Variants in PIK3R3 observed in about 807,000 individuals in gnomAD.
PIK3R3 encodes phosphatidylinositol 3-kinase regulatory subunit gamma.
In PIK3R3, 64 loss-of-function variants were observed where a neutral mutation model predicts 62.9. That is an observed-to-expected ratio of 1.02 (90% CI 0.83 to 1.25). The LOEUF (loss-of-function observed/expected upper bound fraction) is 1.25, where lower values mean the gene tolerates loss of function less well. Among genes scored for constraint, PIK3R3 ranks in the 50% most tolerant of loss-of-function variants. The pLI is 0.00. For missense variants in PIK3R3, 614 were observed against 561.6 expected (o/e 1.09, Z -0.94); for synonymous variants, 165 against 189.0 (o/e 0.87, Z 1.04).
At chr1:46,056,054 T>C (rs1647873668) in intron 6 of PIK3R3, 83 bp from the exon 7 acceptor site, 3 of 687,588 alleles carry the variant, frequency 4.4e-6, no homozygotes, top group Non-Finnish European at 6.5e-6. Flanking sequence ...CTAATATCCT[T>C]TTTTTTTTTC....
chr1:46,123,120 CTCAAGAAACTTATCTTGTTTG>C (rs1403548113), intron 1 of PIK3R3, among the ~76,000 whole-genome samples: 1 of 152,098 alleles, frequency 6.6e-6, no homozygotes. Context: ...ACAGCCTGAC[CTCAAGAAACTTATCTTGTTTG>C]GGAGGTGAAT....
intron 3 of PIK3R3, among the ~76,000 whole-genome samples, chr1:46,071,467 G>A (rs988299715): frequency 2.6e-5 from 4 of 151,194 alleles, no homozygotes; most frequent in East Asian, 1.9e-4. Flanking sequence ...AGGCCGAGGC[G>A]GGCAGATCAC....
At chr1:46,045,290 T>A (rs1647079801) in intron 9 of PIK3R3, among the ~76,000 whole-genome samples, 1 of 152,228 alleles carries the variant, frequency 6.6e-6, no homozygotes, top group Non-Finnish European at 1.5e-5. Context: ...AACTCTTTTC[T>A]AAGTGTGGCT....
the PIK3R3 span, among the ~76,000 whole-genome samples, chr1:46,148,276 A>C: frequency 6.6e-6 from 1 of 152,340 alleles, no homozygotes; most frequent in South Asian, 2.1e-4. Context: ...AACTAGCTTA[A>C]GACAAATAAA....
chr1:46,163,263 T>C, the PIK3R3 span, among the ~76,000 whole-genome samples: 2 of 152,274 alleles, frequency 1.3e-5, no homozygotes, highest in African/African-American at 4.8e-5. Context: ...TTTTAAAAAG[T>C]AAAATAAAAC....
intron 4 of PIK3R3, 38 bp from the exon 5 acceptor site, chr1:46,066,217 T>C (rs1419679768): frequency 4.3e-6 from 6 of 1,382,514 alleles, no homozygotes; most frequent in Non-Finnish European, 6.1e-6. Context: ...ATGTTAACAA[T>C]TCTGACATAT....
rs756299829 is a variant in PIK3R3 at position 46,061,952 on chromosome 1, C to G, written c.741G>C (p.Glu247Asp). The G allele has an allele frequency of 6.2e-7, 1 of 1,613,584 alleles. No individual in the cohort carries two copies. The highest frequency in any genetic ancestry group is 1.7e-5 in the Admixed American group (1 of 60,006). ...SKEYIERFRR[E>D]GNEKEIERIM... ...ACCGTTCAATCTCCTTTTCATTCCC[C>G]TCTCTGCGAAATCGCTCAATATATT... Residue 247 changes from glutamate to aspartate, a missense_variant, in exon 6 of 10, where the codon GAG (glutamate) becomes GAC (aspartate). Glu to Asp is a conservative substitution (Grantham distance 45, BLOSUM62 2). Transcript: ENST00000262741.
At chr1:46,172,641 G>A in the PIK3R3 span, among the ~76,000 whole-genome samples, 550 of 152,272 alleles carry the variant, frequency 3.6e-3, 3 homozygotes, top group East Asian at 0.027. Flanking sequence ...AGTGAGCTAA[G>A]GTCAGGTCAC....
intron 1 of PIK3R3, among the ~76,000 whole-genome samples, chr1:46,125,283 CA>C (rs1406933978): frequency 6.6e-6 from 1 of 151,708 alleles, no homozygotes; most frequent in Non-Finnish European, 1.5e-5. Context: ...AATAAGAAGA[CA>C]AAAAAACTGG....
chr1:46,168,408 A>G, the PIK3R3 span, among the ~76,000 whole-genome samples: 1 of 152,162 alleles, frequency 6.6e-6, no homozygotes, highest in Non-Finnish European at 1.5e-5. Flanking sequence ...TGGGGACAGC[A>G]GTGGTTCTGT....
intron 3 of PIK3R3, among the ~76,000 whole-genome samples, chr1:46,075,012 G>C (rs1557583595): frequency 1.3e-5 from 2 of 152,150 alleles, no homozygotes; most frequent in Non-Finnish European, 1.5e-5. Flanking sequence ...GCTGGGGCCA[G>C]GAAATCAAAA....
At position 46,044,502 on chromosome 1, in the gene PIK3R3, T is replaced by C. The variant is rs1647060485; in HGVS notation, c.1188-631A>G. On this transcript the variant is annotated intron_variant, in intron 9 of 9. Transcript: ENST00000262741. This position sits in a 1 kb window ranked among gnomAD's most constrained non-coding sequence, Gnocchi z 4.2. The stretch of plus-strand genomic sequence containing the variant: ...CTGCCTTCCTTCTTTTTATTATTCT[T>C]AGAAGATCCTAAGTCTTACAAGAAC... Among the ~76,000 whole-genome samples the C allele has an allele frequency of 6.6e-6, 1 of 152,180 alleles. No individual in the cohort carries two copies. The highest frequency in any genetic ancestry group is 1.5e-5 in the Non-Finnish European group (1 of 68,044).
the PIK3R3 span, among the ~76,000 whole-genome samples, chr1:46,162,457 T>C: frequency 1.3e-5 from 2 of 151,952 alleles, no homozygotes; most frequent in Non-Finnish European, 2.9e-5. Context: ...GGTGACAGAG[T>C]GAGACTCCAT....
At chr1:46,135,292 CACA>C (rs1655888870), upstream of PIK3R3, among the ~76,000 whole-genome samples, 2 of 152,190 alleles carry the variant, frequency 1.3e-5, no homozygotes, top group African/African-American at 4.8e-5. Context: ...GCTCCTGGGT[CACA>C]ACCTGCTACT....
In PIK3R3 at chr1:46,132,116, C is replaced by CT. The variant is rs1655664831; in HGVS notation, c.-165dup. 19 of 1,410,340 alleles carry CT rather than the reference C, an allele frequency of 1.3e-5. No homozygotes were observed. Among genetic ancestry groups the CT allele is most frequent in the Non-Finnish European group, 1.7e-5 (18 of 1,086,544 alleles). The allele number at this position is 1,410,340 out of a possible 1,614,324, so 87.4% of individuals were successfully genotyped here. A position where few individuals can be genotyped will look rare whatever the true frequency, so the allele number is the denominator to read the frequency against. ...CCGGCCAAACTACCCGAACAGGGTCCTCCCCCTCTCTCCTACAGAACACAA... is the reference window on the plus strand; with the variant it reads ...CCGGCCAAACTACCCGAACAGGGTCCTTCCCCCTCTCTCCTACAGAACACAA... On this transcript the variant is annotated 5_prime_UTR_variant, in exon 1 of 10. Coordinates refer to ENST00000262741, the MANE Select transcript of PIK3R3 (RefSeq NM_003629.4).
intron 1 of PIK3R3, among the ~76,000 whole-genome samples, chr1:46,127,513 G>A (rs1655203152): frequency 6.6e-6 from 1 of 152,070 alleles, no homozygotes; most frequent in South Asian, 2.1e-4. Flanking sequence ...CTAAAGTGCT[G>A]AGCTAACAGA....
At chr1:46,071,232 T>C (rs759922199) in intron 3 of PIK3R3, among the ~76,000 whole-genome samples, 1 of 152,168 alleles carries the variant, frequency 6.6e-6, no homozygotes, top group Non-Finnish European at 1.5e-5. Context: ...AAAAAAAATT[T>C]TGCCTTCAGC....
Position 46,055,106 on chromosome 1 carries a change from C to CT in PIK3R3, c.941+688dup, listed in dbSNP as rs754326024. The stretch of plus-strand genomic sequence containing the variant: ...TTTAGTACAGACAGGGTTTCACCAT[C>CT]TTTTTTTTTTTTTTTTTCCCAGATG... On this transcript the variant is annotated intron_variant, in intron 7 of 9. Coordinates refer to ENST00000262741, the MANE Select transcript of PIK3R3 (RefSeq NM_003629.4). Among the ~76,000 whole-genome samples the CT allele has an allele frequency of 6.2e-3, 774 of 125,446 alleles. 5 individuals are homozygous for CT. Among genetic ancestry groups the CT allele is most frequent in the East Asian group, 0.033 (143 of 4,302 alleles). 82.3% of individuals were successfully genotyped at this position (125,446 alleles called of 152,430 possible).
At chr1:46,127,350 A>ATAT (rs1239135733) in intron 1 of PIK3R3, among the ~76,000 whole-genome samples, 2 of 141,444 alleles carry the variant, frequency 1.4e-5, no homozygotes, top group East Asian at 3.9e-4. Context: ...CTCAAAAAAA[A>ATAT]AAAAAAATAT....
Sources: gnomAD v4.1 joint callset for allele counts (sites outside exome capture counted in the v4.1 genomes callset) on GRCh38, gnomAD v4.1.1 for gene constraint, Gnocchi (gnomAD v3.1) non-coding constraint, MANE v1.5 for transcripts, NCBI Gene and HGNC (gene_info 2026-07-23, HGNC 2026-07-21) for gene names.